Variants in TTC21B observed in about 807,000 individuals in gnomAD.
TTC21B encodes the protein tetratricopeptide repeat domain 21B.
Under a neutral mutation model 175.1 loss-of-function variants are expected in TTC21B, and 127 were observed. The ratio of observed to expected loss-of-function variants is 0.73; its 90% CI spans 0.63 to 0.84. The LOEUF is 0.84. TTC21B is among the 40% of genes least tolerant of loss of function. TTC21B has a pLI of 0.00. For synonymous variants in TTC21B, 524 were observed against 524.5 expected (o/e 1.00, Z 0.01); for missense variants, 1,561 against 1,558.3 (o/e 1.00, Z -0.03).
chr2:165,953,095 T>C (rs757928973), intron 1 of TTC21B, among the ~76,000 whole-genome samples: 5 of 152,224 alleles, frequency 3.3e-5, no homozygotes, highest in Non-Finnish European at 5.9e-5. Context: ...AACAAATGAA[T>C]AGAGAAGACC....
In TTC21B at chr2:165,907,804, A is replaced by T. The variant is rs1237542497; in HGVS notation, c.2462-20T>A. 1 of 1,483,132 alleles carries T rather than the reference A, an allele frequency of 6.7e-7. No homozygotes were observed. Among genetic ancestry groups the T allele is most frequent in the Non-Finnish European group, 9.4e-7 (1 of 1,063,008 alleles). The allele number at this position is 1,483,132 out of a possible 1,614,324, so 91.9% of individuals were successfully genotyped here. On this transcript the variant is annotated intron_variant, in intron 18 of 28. Transcript: ENST00000243344. The stretch of plus-strand genomic sequence containing the variant: ...CATTTACTATGAAAGAATGGAATGT[A>T]ATGCAAAAAATTATTCATCTTAAAT...
At position 165,884,947 on chromosome 2, in the gene TTC21B, G is replaced by C. The variant is rs1284688095; in HGVS notation, c.3460-929C>G. ...GTCTGTAATCAAAGCACTTCGGGAGGCTGAGGCTAGTGCATAGCGAGACCT... is the reference window on the plus strand; with the variant it reads ...GTCTGTAATCAAAGCACTTCGGGAGCCTGAGGCTAGTGCATAGCGAGACCT... On this transcript the variant is annotated intron_variant, in intron 25 of 28. Coordinates refer to ENST00000243344, the MANE Select transcript of TTC21B (RefSeq NM_024753.5). 7.9e-5 allele frequency among the ~76,000 whole-genome samples: 12 copies of C among 152,162 alleles called. No individual in the cohort carries two copies. In the East Asian group the frequency reaches 2.1e-3, roughly 27 times the overall value.
intron 6 of TTC21B, 45 bp from the exon 7 acceptor site, chr2:165,933,102 T>C (rs1328124936): frequency 6.4e-7 from 1 of 1,565,616 alleles, no homozygotes; most frequent in African/African-American, 1.4e-5. Flanking sequence ...ATTTATATAT[T>C]TTCTTTTATT....
intron 22 of TTC21B, among the ~76,000 whole-genome samples, chr2:165,893,758 G>A (rs1685271626): frequency 6.6e-6 from 1 of 151,948 alleles, no homozygotes; most frequent in Non-Finnish European, 1.5e-5. Flanking sequence ...TGACCTTTGA[G>A]CAGCCTCAAG....
chr2:165,918,028 G>T (rs760538906), intron 13 of TTC21B, among the ~76,000 whole-genome samples: 1 of 152,168 alleles, frequency 6.6e-6, no homozygotes, highest in Non-Finnish European at 1.5e-5. Flanking sequence ...TGATAAAAAT[G>T]AGGTGGGAAA....
chr2:165,953,278 G>C (rs1326275942), intron 1 of TTC21B, among the ~76,000 whole-genome samples: 1 of 152,168 alleles, frequency 6.6e-6, no homozygotes, highest in Non-Finnish European at 1.5e-5. Context: ...CGTCTTTAAT[G>C]GGTTTCATAT....
chr2:165,894,635 T>C (rs1234869183), intron 22 of TTC21B, among the ~76,000 whole-genome samples: 2 of 152,132 alleles, frequency 1.3e-5, no homozygotes, highest in Non-Finnish European at 2.9e-5. Flanking sequence ...AGTGCAGTGG[T>C]GTGATCTTGG....
chr2:165,894,767 T>C (rs1331357525), intron 22 of TTC21B, among the ~76,000 whole-genome samples: 1 of 152,204 alleles, frequency 6.6e-6, no homozygotes, highest in Non-Finnish European at 1.5e-5. Context: ...GCCACATCCA[T>C]GTGTGTGGCA....
At chr2:165,900,182 G>A (rs887852252) in intron 20 of TTC21B, among the ~76,000 whole-genome samples, 2 of 152,048 alleles carry the variant, frequency 1.3e-5, no homozygotes, top group South Asian at 2.1e-4. Context: ...CCATAACGGG[G>A]CCAAGTCAGG....
At chr2:165,895,960 A>T (rs538988362) in intron 22 of TTC21B, among the ~76,000 whole-genome samples, 1 of 152,282 alleles carries the variant, frequency 6.6e-6, no homozygotes, top group South Asian at 2.1e-4. Context: ...TCTCCTTTCA[A>T]TTTTTGTGCT....
At chr2:165,952,659 T>C (rs1297851309) in intron 1 of TTC21B, among the ~76,000 whole-genome samples, 1 of 152,202 alleles carries the variant, frequency 6.6e-6, no homozygotes, top group Non-Finnish European at 1.5e-5. Flanking sequence ...AATAAAAAAA[T>C]GTAAGGATAT....
chr2:165,877,972 AT>A (rs779195553), intron 27 of TTC21B, among the ~76,000 whole-genome samples: 1 of 152,128 alleles, frequency 6.6e-6, no homozygotes, highest in Non-Finnish European at 1.5e-5. Flanking sequence ...ACTAGTCAAG[AT>A]TTCAGTTTTG....
intron 17 of TTC21B, among the ~76,000 whole-genome samples, chr2:165,911,668 AT>A (rs1167955966): frequency 4.0e-4 from 54 of 134,786 alleles, no homozygotes; most frequent in African/African-American, 9.6e-4. Context: ...ATATATATAT[AT>A]TTTTTTTTTT....
intron 12 of TTC21B, among the ~76,000 whole-genome samples, chr2:165,922,253 G>A (rs1247550622): frequency 6.6e-6 from 1 of 152,056 alleles, no homozygotes; most frequent in Admixed American, 6.6e-5. Flanking sequence ...GAAAGTATTA[G>A]TGTCACTTCT....
intron 24 of TTC21B, among the ~76,000 whole-genome samples, chr2:165,889,328 C>T (rs1685111674): frequency 1.3e-5 from 2 of 152,102 alleles, no homozygotes; most frequent in South Asian, 4.1e-4. Context: ...GCTGATTGCC[C>T]TTTTCTGACC....
At chr2:165,927,958 T>C (rs926081236) in intron 11 of TTC21B, among the ~76,000 whole-genome samples, 1 of 152,214 alleles carries the variant, frequency 6.6e-6, no homozygotes, top group Non-Finnish European at 1.5e-5. Flanking sequence ...GATATCCCTG[T>C]GCTGAATGTG....
At chr2:165,949,157 C>T (rs895418712) in intron 3 of TTC21B, 1 of 505,450 alleles carries the variant, frequency 2.0e-6, no homozygotes, top group Non-Finnish European at 3.5e-6. Context: ...CTAAAAAAAT[C>T]CCTATGTACT....
At chr2:165,922,481 A>G (rs1686447846) in intron 12 of TTC21B, among the ~76,000 whole-genome samples, 1 of 151,102 alleles carries the variant, frequency 6.6e-6, no homozygotes, top group Non-Finnish European at 1.5e-5. Flanking sequence ...AAAATGCTCA[A>G]CGTCACTGAT....
rs759213758 is a variant in TTC21B at position 165,899,887 on chromosome 2, A to G, written c.2758-7T>C. 1.3e-6 allele frequency: 2 copies of G among 1,556,208 alleles called. No homozygotes were observed. The highest frequency in any genetic ancestry group is 8.9e-7 in the Non-Finnish European group (1 of 1,127,362). ...GTGCCAGTTCCAACATAATCTGTAG[A>G]GCAAAGGGCTAGATTCATCAGACAC... On this transcript the variant is annotated splice_region_variant and splice_polypyrimidine_tract_variant and intron_variant, in intron 20 of 28. Coordinates refer to ENST00000243344, the MANE Select transcript of TTC21B (RefSeq NM_024753.5).
Sources: allele counts gnomAD v4.1 joint callset (sites outside exome capture counted in the v4.1 genomes callset), GRCh38; gene constraint gnomAD v4.1.1; transcripts MANE v1.5; gene names NCBI Gene and HGNC (gene_info 2026-07-23, HGNC 2026-07-21).